Variants in CCNT2 observed in about 807,000 individuals in gnomAD.
The protein encoded by CCNT2 is cyclin T2.
CCNT2 carries 18 observed loss-of-function variants against 70.0 expected under a neutral mutation model. The observed-to-expected ratio is 0.26, with a 90% CI of 0.18 to 0.38. The LOEUF (loss-of-function observed/expected upper bound fraction) is 0.38. CCNT2 is among the 10% of genes least tolerant of loss of function. CCNT2 has a pLI of 1.00. For synonymous variants in CCNT2, 334 were observed against 313.3 expected, an observed-to-expected ratio of 1.07 and a Z score of -0.70; for missense variants, 734 against 890.2, an observed-to-expected ratio of 0.82 and a Z score of 2.23.
chr2:134,922,483 T>G lies in CCNT2; in HGVS notation c.240+2592T>G, dbSNP rs181129106. On this transcript the variant is annotated intron_variant, in intron 2 of 8. Coordinates refer to ENST00000264157, the MANE Select transcript of CCNT2 (RefSeq NM_058241.3). ...GTGACCCAGAAATGGTCTCTTATCATTGAGTTCTTTTGTCAGTTACTCAGA... is the reference window on the plus strand; with the variant it reads ...GTGACCCAGAAATGGTCTCTTATCAGTGAGTTCTTTTGTCAGTTACTCAGA... Among the ~76,000 whole-genome samples, 238 of 152,308 alleles carry G rather than the reference T, an allele frequency of 1.6e-3. 1 individual carries two copies. The highest frequency in any genetic ancestry group is 6.8e-3 in the Middle Eastern group (2 of 294).
intron 1 of CCNT2, 146 bp from the exon 2 acceptor site, chr2:134,919,664 C>G (rs917972548): frequency 1.7e-5 from 10 of 598,868 alleles, no homozygotes; most frequent in South Asian, 2.1e-5. Context: ...CGCCCCACCC[C>G]CCGCGGGCAT....
At chr2:134,945,646 G>GTTTGT in intron 5 of CCNT2, 1 of 1,215,200 alleles carries the variant, frequency 8.2e-7, no homozygotes. Flanking sequence ...TGGGGTGGGG[G>GTTTGT]TTTGTTTTGT....
rs1047055611 is a variant in CCNT2 at position 134,955,860 on chromosome 2, G to C, written c.*1212G>C. The C allele has an allele frequency of 2.0e-5, 3 of 152,614 alleles. No homozygotes were observed. In the South Asian group the frequency reaches 6.2e-4, roughly 32 times the overall value. The allele number at this position is 152,614 out of a possible 1,614,324, so 9.5% of individuals were successfully genotyped here. A position where few individuals can be genotyped will look rare whatever the true frequency, so the allele number is the denominator to read the frequency against. On this transcript the variant is annotated 3_prime_UTR_variant, in exon 9 of 9. Coordinates refer to ENST00000264157, the MANE Select transcript of CCNT2 (RefSeq NM_058241.3). ...ACTGTGCATTGTACCTGTATTTATA[G>C]TTTATGGTTATCAGGAAGCTCTGTA...
intron 3 of CCNT2, 76 bp from the exon 4 acceptor site, chr2:134,938,926 C>A: frequency 1.1e-6 from 1 of 909,656 alleles, no homozygotes; most frequent in Non-Finnish European, 1.7e-6. Context: ...CTGTAATTCT[C>A]ACAAGATGTA....
At chr2:134,934,406 C>T (rs948897872) in intron 2 of CCNT2, among the ~76,000 whole-genome samples, 14 of 152,158 alleles carry the variant, frequency 9.2e-5, no homozygotes, top group African/African-American at 3.4e-4. Flanking sequence ...TGTTTGTTGG[C>T]TTCAAAAGTA....
chr2:134,921,661 C>T (rs961833871), intron 2 of CCNT2, among the ~76,000 whole-genome samples: 1 of 152,128 alleles, frequency 6.6e-6, no homozygotes. Context: ...GCCATCTTCA[C>T]TTCTTTGTTT....
At chr2:134,943,664 C>T in intron 5 of CCNT2, 2 of 984,436 alleles carry the variant, frequency 2.0e-6, no homozygotes, top group Non-Finnish European at 1.2e-6. Flanking sequence ...GCATTTTCTA[C>T]TCCTAAATGA....
intron 2 of CCNT2, among the ~76,000 whole-genome samples, chr2:134,928,042 G>A (rs1303428327): frequency 6.6e-6 from 1 of 152,138 alleles, no homozygotes; most frequent in Admixed American, 6.5e-5. Flanking sequence ...TGAAGTTAAG[G>A]CTTGTGCTTA....
chr2:134,931,502 C>T (rs1014428500), intron 2 of CCNT2, among the ~76,000 whole-genome samples: 1 of 151,712 alleles, frequency 6.6e-6, no homozygotes, highest in East Asian at 1.9e-4. Context: ...ATGAGTCTTC[C>T]AACTTTGTGC....
chr2:134,936,764 A>AG, intron 2 of CCNT2, 77 bp from the exon 3 acceptor site: 2 of 1,386,050 alleles, frequency 1.4e-6, no homozygotes, highest in Non-Finnish European at 2.0e-6. Flanking sequence ...CAAAAAAAAA[A>AG]CAGAAAAGAA....
rs1682901538 is a variant in CCNT2, at chr2:134,956,022, T to G, written c.*1374T>G. The G allele has an allele frequency of 6.5e-6, 1 of 152,674 alleles. No individual in the cohort carries two copies. Among genetic ancestry groups the G allele is most frequent in the African/African-American group, 2.4e-5 (1 of 41,470 alleles). 9.5% of individuals were successfully genotyped at this position (152,674 alleles called of 1,614,324 possible). A position where few individuals can be genotyped will look rare whatever the true frequency, so the allele number is the denominator to read the frequency against. ...ATCAAGCATTAGATTTTAACTTGTT[T>G]AGATTTTGTCTTAAACACCAGTAAT... is the stretch of plus-strand genomic sequence containing the variant. On this transcript the variant is annotated 3_prime_UTR_variant, in exon 9 of 9. Transcript: ENST00000264157.
At position 134,959,208 on chromosome 2, in the gene CCNT2, C is replaced by G. The variant is rs1683078238; in HGVS notation, c.*4560C>G. The G allele has an allele frequency of 6.6e-6, 1 of 151,574 alleles. No homozygotes were observed. Among genetic ancestry groups the G allele is most frequent in the East Asian group, 1.9e-4 (1 of 5,152 alleles). The allele number at this position is 151,574 out of a possible 1,614,324, so 9.4% of individuals were successfully genotyped here. Reference sequence around the variant, plus strand: ...CATTTTCTGAATGTACTCAAAACTCCCAACAACAATTGAACAGGATGTTTG... The same window carrying G: ...CATTTTCTGAATGTACTCAAAACTCGCAACAACAATTGAACAGGATGTTTG... On this transcript the variant is annotated 3_prime_UTR_variant, in exon 9 of 9. Coordinates refer to ENST00000264157, the MANE Select transcript of CCNT2 (RefSeq NM_058241.3).
intron 4 of CCNT2, among the ~76,000 whole-genome samples, chr2:134,940,383 A>C (rs1681486789): frequency 6.7e-6 from 1 of 149,038 alleles, no homozygotes; most frequent in African/African-American, 2.5e-5. Context: ...ATGAATGCAT[A>C]AACTATATAT....
rs112471982 is a variant in CCNT2 at position 134,931,262 on chromosome 2, CTTTTTTTTTTTTTTTTTT to C, written c.241-5571_241-5554del. On this transcript the variant is annotated intron_variant, in intron 2 of 8. Transcript: ENST00000264157. ...CAGGCATAAGCCACCATGCCCGGAT[CTTTTTTTTTTTTTTTTTT>C]TTTTTTTGGTATTTGAATATACAGT... 1.4e-4 allele frequency among the ~76,000 whole-genome samples: 6 copies of C among 42,418 alleles called. No homozygotes were observed. In the Admixed American group the frequency reaches 1.7e-3, roughly 12 times the overall value. 27.8% of individuals were successfully genotyped at this position (42,418 alleles called of 152,430 possible). A position where few individuals can be genotyped will look rare whatever the true frequency, so the allele number is the denominator to read the frequency against.
At chr2:134,938,935 TA>T in intron 3 of CCNT2, 66 bp from the exon 4 acceptor site, 1 of 984,830 alleles carries the variant, frequency 1.0e-6, no homozygotes, top group Non-Finnish European at 1.6e-6. Context: ...TCACAAGATG[TA>T]ACAGTCATGC....
Position 134,947,916 on chromosome 2 carries a change from A to C in CCNT2, c.703+17A>C, listed in dbSNP as rs1382327069. ...TATTAGATGGTAAGTAGAGAAAATA[A>C]ATTTTTAAGTTTGGAATTATCTAAG... On this transcript the variant is annotated intron_variant, in intron 7 of 8. Transcript: ENST00000264157. The C allele has an allele frequency of 1.4e-6, 2 of 1,420,272 alleles. No individual in the cohort carries two copies. The highest frequency in any genetic ancestry group is 1.9e-6 in the Non-Finnish European group (2 of 1,055,848). The allele number at this position is 1,420,272 out of a possible 1,614,324, so 88.0% of individuals were successfully genotyped here. A position where few individuals can be genotyped will look rare whatever the true frequency, so the allele number is the denominator to read the frequency against.
chr2:134,953,938 A>T lies in CCNT2; in HGVS notation c.1483A>T (p.Met495Leu). The T allele has an allele frequency of 6.2e-7, 1 of 1,614,028 alleles. No homozygotes were observed. ...KIPIANTEKY[M>L]ADKKEKSGSL... ...ACCTATCGCAAATACTGAAAAATACATGGCAGACAAAAAGGAAAAGAGTGG... is the reference window on the plus strand; with the variant it reads ...ACCTATCGCAAATACTGAAAAATACTTGGCAGACAAAAAGGAAAAGAGTGG... The change falls in exon 9 of 9, where the codon ATG becomes TTG. Residue 495 changes from methionine to leucine, a missense_variant. Physicochemically the swap from Met to Leu is conservative, Grantham distance 15 (BLOSUM62 2). Transcript: ENST00000264157.
intron 5 of CCNT2, chr2:134,942,917 C>T: frequency 2.3e-6 from 3 of 1,323,034 alleles, no homozygotes; most frequent in Non-Finnish European, 2.9e-6. Flanking sequence ...GGAGGGCTTC[C>T]AAGTATTAGG....
Position 134,954,252 on chromosome 2 carries a change from G to A in CCNT2, c.1797G>A (p.Leu599=), listed in dbSNP as rs1682760726. 2.5e-6 allele frequency: 4 copies of A among 1,614,164 alleles called. No homozygotes were observed. The highest frequency in any genetic ancestry group is 3.4e-6 in the Non-Finnish European group (4 of 1,180,024). Residue 599 remains leucine, a synonymous_variant, in exon 9 of 9, where the codon CTG becomes CTA. Coordinates refer to ENST00000264157, the MANE Select transcript of CCNT2 (RefSeq NM_058241.3). ...HSADGIPPTV[L]RSPVGLSSDG... ...CCGACGGAATACCACCCACTGTTCT[G>A]AGGAGTCCTGTTGGCCTGAGCAGTG...
Sources: gnomAD v4.1 joint callset for allele counts (sites outside exome capture counted in the v4.1 genomes callset) on GRCh38, gnomAD v4.1.1 for gene constraint, MANE v1.5 for transcripts, NCBI Gene and HGNC (gene_info 2026-07-23, HGNC 2026-07-21) for gene names.